PCDH9: variants seen among roughly 807,000 people sequenced by gnomAD.
PCDH9 encodes protocadherin 9, also known as protocadherin-9.
In PCDH9, 24 loss-of-function variants were observed where a neutral mutation model predicts 70.6. That is an observed-to-expected ratio of 0.34 (90% CI 0.25 to 0.48). The LOEUF (loss-of-function observed/expected upper bound fraction) is 0.48. PCDH9 is among the 20% of genes least tolerant of loss of function. PCDH9 has a pLI of 0.99. For synonymous variants in PCDH9, 562 were observed against 558.5 expected (o/e 1.01, Z -0.09); for missense variants, 1,281 against 1,503.6 (o/e 0.85, Z 2.45).
chr13:66,788,685 A>G (rs1357495938), intron 3 of PCDH9, among the ~76,000 whole-genome samples: 1 of 132,760 alleles, frequency 7.5e-6, no homozygotes, highest in Non-Finnish European at 1.6e-5. Flanking sequence ...CTGGGCTCCA[A>G]GTCAGTATCT....
chr13:66,580,433 T>C (rs1443788463), intron 4 of PCDH9, among the ~76,000 whole-genome samples: 1 of 151,978 alleles, frequency 6.6e-6, no homozygotes, highest in Non-Finnish European at 1.5e-5. Context: ...TATATGTCTG[T>C]TATCAGCATA....
intron 3 of PCDH9, among the ~76,000 whole-genome samples, chr13:66,648,500 G>C (rs1478788575): frequency 6.6e-6 from 1 of 152,244 alleles, no homozygotes; most frequent in African/African-American, 2.4e-5. Context: ...CAGTGTTACT[G>C]ACCTTGGGGT....
At chr13:66,306,703 C>G (rs1033639521) in intron 4 of PCDH9, among the ~76,000 whole-genome samples, 3 of 151,838 alleles carry the variant, frequency 2.0e-5, no homozygotes, top group African/African-American at 7.3e-5. Flanking sequence ...CCCATCCCCT[C>G]AAGAGCAAAC....
intron 2 of PCDH9, among the ~76,000 whole-genome samples, chr13:67,043,297 C>A (rs928126438): frequency 6.6e-6 from 1 of 152,076 alleles, no homozygotes; most frequent in Non-Finnish European, 1.5e-5. Context: ...TCTATTGTAA[C>A]AATCCATGTA....
chr13:66,999,763 C>A (rs1438567471), intron 2 of PCDH9, among the ~76,000 whole-genome samples: 1 of 151,966 alleles, frequency 6.6e-6, no homozygotes, highest in Non-Finnish European at 1.5e-5. Flanking sequence ...CAGAGAAATG[C>A]AAATCAAAAC....
chr13:67,127,381 T>A (rs1024056545), intron 2 of PCDH9, among the ~76,000 whole-genome samples: 1 of 152,126 alleles, frequency 6.6e-6, no homozygotes, highest in Non-Finnish European at 1.5e-5. Context: ...GGGATGGGGA[T>A]CTGCTCGTGG....
At chr13:66,462,967 T>C (rs1958451571) in intron 4 of PCDH9, among the ~76,000 whole-genome samples, 1 of 151,854 alleles carries the variant, frequency 6.6e-6, no homozygotes, top group African/African-American at 2.4e-5. Flanking sequence ...CAAACTGAAA[T>C]GTGATATCAC....
chr13:66,604,555 C>T (rs1295417071), intron 4 of PCDH9, among the ~76,000 whole-genome samples: 1 of 151,876 alleles, frequency 6.6e-6, no homozygotes, highest in African/African-American at 2.4e-5. Context: ...GCATATCTTT[C>T]CTTTGTAATA....
intron 2 of PCDH9, among the ~76,000 whole-genome samples, chr13:67,105,987 C>T (rs1366069728): frequency 2.0e-5 from 3 of 151,708 alleles, no homozygotes; most frequent in African/African-American, 7.3e-5. Flanking sequence ...TGAAGGGACT[C>T]TAAGTCAGCT....
intron 2 of PCDH9, among the ~76,000 whole-genome samples, chr13:66,918,304 A>AGT (rs1342121440): frequency 6.6e-6 from 1 of 151,244 alleles, no homozygotes; most frequent in Non-Finnish European, 1.5e-5. Context: ...TAAAGACTTT[A>AGT]GTGTTCATTT....
At chr13:66,673,649 G>A (rs1016836226) in intron 3 of PCDH9, among the ~76,000 whole-genome samples, 2 of 152,128 alleles carry the variant, frequency 1.3e-5, no homozygotes, top group East Asian at 1.9e-4. Context: ...GATTTATGAC[G>A]TGTAGCCTCC....
intron 2 of PCDH9, among the ~76,000 whole-genome samples, chr13:67,174,722 T>C (rs2088400262): frequency 1.3e-5 from 2 of 152,188 alleles, no homozygotes; most frequent in African/African-American, 4.8e-5. Flanking sequence ...GAAAAAGACT[T>C]ATTCACTGAC....
intron 4 of PCDH9, among the ~76,000 whole-genome samples, chr13:66,613,078 C>T (rs1050329195): frequency 1.3e-5 from 2 of 152,110 alleles, no homozygotes; most frequent in South Asian, 2.1e-4. Context: ...ACCATGCCTC[C>T]ACCCCAGTCG....
At chr13:67,176,534 A>C (rs9541029) in intron 2 of PCDH9, among the ~76,000 whole-genome samples, 102,672 of 151,648 alleles carry the variant, frequency 0.68, 35,803 homozygotes, top group Non-Finnish European at 0.77. Context: ...CAAAAAAAAA[A>C]CAAAGAATCT....
chr13:66,874,940 T>TGTGTGTGTGAGAGAGA (rs2081772534), intron 3 of PCDH9, among the ~76,000 whole-genome samples: 3 of 140,538 alleles, frequency 2.1e-5, no homozygotes, highest in African/African-American at 7.8e-5. Context: ...TGTGTGTGTG[T>TGTGTGTGTGAGAGAGA]GTGAGAGAGA....
At chr13:67,015,523 T>C (rs2084544021) in intron 2 of PCDH9, among the ~76,000 whole-genome samples, 1 of 152,152 alleles carries the variant, frequency 6.6e-6, no homozygotes, top group African/African-American at 2.4e-5. Flanking sequence ...ATCATCTTTA[T>C]CATTTGTAAA....
chr13:67,186,866 G>T (rs969687362), intron 2 of PCDH9, among the ~76,000 whole-genome samples: 1 of 151,966 alleles, frequency 6.6e-6, no homozygotes, highest in Middle Eastern at 3.2e-3. Context: ...GCTTTATAAG[G>T]CTCAGCTGTT....
At chr13:66,913,690 C>T (rs1030477424) in intron 2 of PCDH9, among the ~76,000 whole-genome samples, 6 of 151,888 alleles carry the variant, frequency 4.0e-5, no homozygotes, top group Non-Finnish European at 8.8e-5. Flanking sequence ...TGCTCATTCG[C>T]TTAATATCTC....
At chr13:66,737,504 G>C (rs191179295) in intron 3 of PCDH9, among the ~76,000 whole-genome samples, 1 of 152,200 alleles carries the variant, frequency 6.6e-6, no homozygotes, top group Non-Finnish European at 1.5e-5. Flanking sequence ...CAAGATGGCC[G>C]AATAGGAACA....
Sources: gnomAD v4.1 joint callset for allele counts (sites outside exome capture counted in the v4.1 genomes callset) on GRCh38, gnomAD v4.1.1 for gene constraint, MANE v1.5 for transcripts, NCBI Gene and HGNC (gene_info 2026-07-23, HGNC 2026-07-21) for gene names.